CLYBL: variants seen among roughly 807,000 people sequenced by gnomAD.
The protein encoded by CLYBL is citramalyl-CoA lyase, mitochondrial.
CLYBL carries 31 observed loss-of-function variants against 38.9 expected under a neutral mutation model. The observed-to-expected ratio is 0.80, with a 90% confidence interval of 0.60 to 1.08. The LOEUF is 1.08. Ranked by LOEUF, CLYBL falls within the 50% of genes least tolerant of loss-of-function variation. The probability of loss-of-function intolerance (pLI) is 0.00; values close to 1 mark genes in which losing one functional copy is unlikely to be tolerated. For missense variants in CLYBL, 434 were observed against 411.6 expected, an observed-to-expected ratio of 1.05 and a Z score of -0.47; for synonymous variants, 171 against 158.6, an observed-to-expected ratio of 1.08 and a Z score of -0.59.
At chr13:99,888,301 A>G (rs1469516655) in intron 7 of CLYBL, among the ~76,000 whole-genome samples, 1 of 152,232 alleles carries the variant, frequency 6.6e-6, no homozygotes, top group Non-Finnish European at 1.5e-5. Context: ...AAAAAGAAAA[A>G]GTTTTACTGG....
At chr13:99,609,414 A>C (rs1033972853) in intron 1 of CLYBL, among the ~76,000 whole-genome samples, 1 of 151,978 alleles carries the variant, frequency 6.6e-6, no homozygotes, top group African/African-American at 2.4e-5. Context: ...TGACCTCGTG[A>C]TCCACCTGCC....
intron 2 of CLYBL, among the ~76,000 whole-genome samples, chr13:99,835,120 C>T (rs2050904964): frequency 6.6e-6 from 1 of 152,216 alleles, no homozygotes; most frequent in South Asian, 2.1e-4. Context: ...GCTTTTCTTG[C>T]TCCTGCCACT....
intron 1 of CLYBL, among the ~76,000 whole-genome samples, chr13:99,768,193 T>TTTC (rs1356527344): frequency 6.9e-5 from 1 of 14,472 alleles, no homozygotes; most frequent in African/African-American, 2.1e-4. Flanking sequence ...TTTCTTTTTC[T>TTTC]TTTTTTTTTT....
Position 99,889,721 on chromosome 13 carries a change from T to C in CLYBL, c.928-1597T>C, listed in dbSNP as rs150628280. 4.1e-3 allele frequency among the ~76,000 whole-genome samples: 631 copies of C among 152,244 alleles called. 4 individuals are homozygous for C. The highest frequency in any genetic ancestry group is 0.014 in the African/African-American group (600 of 41,552). ...ATCAAAAGATAAATCCCAAAAGTCA[T>C]TGCTAAGGATTCCCCCCATTTTTCT... is the stretch of plus-strand genomic sequence containing the variant. On this transcript the variant is annotated intron_variant, in intron 7 of 8. Transcript: ENST00000339105.
intron 1 of CLYBL, among the ~76,000 whole-genome samples, chr13:99,658,506 C>T (rs775748629): frequency 2.6e-5 from 4 of 152,188 alleles, no homozygotes; most frequent in African/African-American, 4.8e-5. Context: ...TCCTGTGTCC[C>T]TCTCCCCCAC....
intron 2 of CLYBL, among the ~76,000 whole-genome samples, chr13:99,833,021 TATATATATA>T (rs1263768791): frequency 2.5e-5 from 1 of 39,800 alleles, no homozygotes; most frequent in African/African-American, 9.9e-5. Flanking sequence ...TATATATATA[TATATATATA>T]TTTTTTTTTT....
At chr13:99,780,004 C>G (rs932969519) in intron 2 of CLYBL, among the ~76,000 whole-genome samples, 12 of 151,970 alleles carry the variant, frequency 7.9e-5, no homozygotes, top group African/African-American at 2.9e-4. Flanking sequence ...TTAGACCAAG[C>G]CTGTTAATTA....
At chr13:99,828,289 A>AAC (rs2050737104) in intron 2 of CLYBL, among the ~76,000 whole-genome samples, 1 of 152,166 alleles carries the variant, frequency 6.6e-6, no homozygotes, top group African/African-American at 2.4e-5. Flanking sequence ...CATATATTTC[A>AAC]ACACACACAC....
intron 3 of CLYBL, among the ~76,000 whole-genome samples, chr13:99,861,936 T>C (rs1250906853): frequency 6.6e-6 from 1 of 152,218 alleles, no homozygotes; most frequent in East Asian, 1.9e-4. Flanking sequence ...CATTAGTTTT[T>C]TTATGTTGCC....
Position 99,754,087 on chromosome 13 carries a change from C to CAAAAAAAA in CLYBL, c.63-18716_63-18709dup, listed in dbSNP as rs71121003. 3.1e-4 allele frequency among the ~76,000 whole-genome samples: 14 copies of CAAAAAAAA among 45,416 alleles called. 2 individuals are homozygous for CAAAAAAAA. The highest frequency in any genetic ancestry group is 8.2e-4 in the African/African-American group (10 of 12,262). The allele number at this position is 45,416 out of a possible 152,430, so 29.8% of individuals were successfully genotyped here. A position where few individuals can be genotyped will look rare whatever the true frequency, so the allele number is the denominator to read the frequency against. ...GGGCGACAAGAGCGAAACTCGGTCT[C>CAAAAAAAA]AAAAAAAAAAAAAAAAAAAAAAAAA... On this transcript the variant is annotated intron_variant, in intron 1 of 8. Coordinates refer to ENST00000339105, the MANE Select transcript of CLYBL (RefSeq NM_206808.5).
At chr13:99,825,632 C>T (rs187436746) in intron 2 of CLYBL, among the ~76,000 whole-genome samples, 3 of 152,236 alleles carry the variant, frequency 2.0e-5, no homozygotes, top group Admixed American at 1.3e-4. Flanking sequence ...CTTGTTGGCT[C>T]AGTACAGCAC....
intron 2 of CLYBL, among the ~76,000 whole-genome samples, chr13:99,825,933 G>C (rs904144486): frequency 3.9e-5 from 6 of 152,206 alleles, no homozygotes; most frequent in African/African-American, 1.4e-4. Context: ...AGAATCTGCA[G>C]CCTCACCCCA....
At chr13:99,659,424 C>A (rs1164656323) in intron 1 of CLYBL, among the ~76,000 whole-genome samples, 1 of 152,160 alleles carries the variant, frequency 6.6e-6, no homozygotes, top group Non-Finnish European at 1.5e-5. Context: ...CCCTTCAAAC[C>A]ACTTCAAGGC....
In CLYBL at chr13:99,645,975, TC is replaced by T. The variant is rs374395663; in HGVS notation, c.62+39220del. Among the ~76,000 whole-genome samples the T allele has an allele frequency of 1.6e-3, 242 of 152,286 alleles. 1 individual carries two copies. Among genetic ancestry groups the T allele is most frequent in the East Asian group, 0.014 (70 of 5,182 alleles). On this transcript the variant is annotated intron_variant, in intron 1 of 8. Transcript: ENST00000339105. Reference sequence around the variant, plus strand: ...ACCAGCAATGTCAGGGTATCTTCTTTCCTGTGGCTGAGAAATTCCCTAATTT... The same window carrying T: ...ACCAGCAATGTCAGGGTATCTTCTTTCTGTGGCTGAGAAATTCCCTAATTT...
Position 99,819,416 on chromosome 13 carries a change from T to TTATATATATATATATA in CLYBL, c.250-39408_250-39393dup, listed in dbSNP as rs71715024. On this transcript the variant is annotated intron_variant, in intron 2 of 8. Transcript: ENST00000339105. ...ACTTGTATTATCACTGGGAAAAAAT[T>TTATATATATATATATA]TATATATATATATATATATATATAT... Among the ~76,000 whole-genome samples the TTATATATATATATATA allele has an allele frequency of 8.2e-4, 15 of 18,372 alleles. 1 individual carries two copies. The highest frequency in any genetic ancestry group is 9.6e-4 in the Non-Finnish European group (11 of 11,436). The allele number at this position is 18,372 out of a possible 152,430, so 12.1% of individuals were successfully genotyped here.
chr13:99,637,522 A>C (rs2047035801), intron 1 of CLYBL, among the ~76,000 whole-genome samples: 1 of 152,170 alleles, frequency 6.6e-6, no homozygotes, highest in African/African-American at 2.4e-5. Context: ...ACACTTTGGG[A>C]GGCCGAGGCG....
intron 1 of CLYBL, among the ~76,000 whole-genome samples, chr13:99,631,331 ATGTG>A (rs10643696): frequency 0.043 from 6,234 of 145,222 alleles, 379 homozygotes; most frequent in African/African-American, 0.13. Flanking sequence ...CCAAATATTT[ATGTG>A]TGTGTGTGTG....
chr13:99,775,652 G>A (rs1208611339), intron 2 of CLYBL, among the ~76,000 whole-genome samples: 4 of 151,974 alleles, frequency 2.6e-5, no homozygotes, highest in Admixed American at 2.0e-4. Context: ...GGGACTATAC[G>A]CACCTACCAC....
At chr13:99,817,666 A>G (rs2050484087) in intron 2 of CLYBL, among the ~76,000 whole-genome samples, 2 of 149,938 alleles carry the variant, frequency 1.3e-5, no homozygotes, top group African/African-American at 2.5e-5. Flanking sequence ...AAAAAAAAAA[A>G]AAAAAAAGAA....
Sources: allele counts gnomAD v4.1 joint callset (sites outside exome capture counted in the v4.1 genomes callset), GRCh38; gene constraint gnomAD v4.1.1; transcripts MANE v1.5; gene names NCBI Gene and HGNC (gene_info 2026-07-23, HGNC 2026-07-21).